ERO1B: variants seen among roughly 807,000 people sequenced by gnomAD.
The protein encoded by ERO1B is endoplasmic reticulum oxidoreductase 1 beta, also known as ERO1-like protein beta.
Under a neutral mutation model 75.3 loss-of-function variants are expected in ERO1B, and 49 were observed. That is an observed-to-expected ratio of 0.65 (90% CI 0.52 to 0.83). ERO1B has a LOEUF of 0.83. Among genes scored for constraint, ERO1B ranks in the 40% least tolerant of loss-of-function variants. The probability of loss-of-function intolerance (pLI) is 0.00; values close to 1 mark genes in which losing one functional copy is unlikely to be tolerated. For synonymous variants in ERO1B, 191 were observed against 192.9 expected (o/e 0.99, Z 0.08); for missense variants, 512 against 560.1 (o/e 0.91, Z 0.87).
chr1:236,236,326 G>T lies in ERO1B; in HGVS notation c.578C>A (p.Thr193Asn). 6.2e-7 allele frequency: 1 copy of T among 1,614,008 alleles called. No homozygotes were observed. Among genetic ancestry groups the T allele is most frequent in the Non-Finnish European group, 8.5e-7 (1 of 1,179,970 alleles). Residue 193 changes from threonine (T) to asparagine (N), a missense_variant, in exon 7 of 16, where the codon ACC (threonine) becomes AAC (asparagine). Transcript: ENST00000354619. ...GCTGTTCCACACTCTCCATGCAGAG[G>T]TCCCTTTATAGCCAGTGTAACGCTC... ...NPERYTGYKG[T>N]SAWRVWNSIY... is the part of the protein sequence containing the mutation.
chr1:236,221,735 GA>G, intron 14 of ERO1B, 188 bp downstream of exon 14: 1 of 528,874 alleles, frequency 1.9e-6, no homozygotes, highest in South Asian at 2.7e-5. Context: ...AGAATAATAT[GA>G]GAAACATCCT....
chr1:236,236,056 C>T (rs1558509355), intron 7 of ERO1B, among the ~76,000 whole-genome samples: 1 of 152,160 alleles, frequency 6.6e-6, no homozygotes, highest in African/African-American at 2.4e-5. Context: ...TCCCAAGTAG[C>T]TGGGATTACA....
intron 15 of ERO1B, among the ~76,000 whole-genome samples, chr1:236,219,209 A>G (rs186845112): frequency 6.6e-6 from 1 of 152,314 alleles, no homozygotes; most frequent in East Asian, 1.9e-4. Context: ...ATCACTTAGG[A>G]GGACAGGCAA....
intron 2 of ERO1B, among the ~76,000 whole-genome samples, chr1:236,255,026 G>C (rs1665128115): frequency 6.6e-6 from 1 of 151,582 alleles, no homozygotes; most frequent in South Asian, 2.1e-4. Context: ...GGGCTCAGGT[G>C]ATCTTTGTAC....
At chr1:236,248,232 T>C (rs1335531401) in intron 5 of ERO1B, among the ~76,000 whole-genome samples, 6 of 152,148 alleles carry the variant, frequency 3.9e-5, no homozygotes, top group African/African-American at 1.4e-4. Context: ...CCACTAGTAA[T>C]TACGAAGTAT....
intron 8 of ERO1B, among the ~76,000 whole-genome samples, chr1:236,234,724 A>G (rs565825185): frequency 6.6e-6 from 1 of 152,310 alleles, no homozygotes; most frequent in South Asian, 2.1e-4. Flanking sequence ...GTTCTCAGAA[A>G]GGTCTAAAGA....
At chr1:236,239,164 CAATACTTTTTAAAAAAATCTTGT>C (rs1192509813) in intron 6 of ERO1B, among the ~76,000 whole-genome samples, 1 of 152,100 alleles carries the variant, frequency 6.6e-6, no homozygotes, top group Non-Finnish European at 1.5e-5. Context: ...TTAGTTTAAT[CAATACTTTTTAAAAAAATCTTGT>C]AATACTTTTT....
chr1:236,243,884 T>C (rs186986300), intron 5 of ERO1B, among the ~76,000 whole-genome samples: 150 of 152,302 alleles, frequency 9.8e-4, no homozygotes, highest in African/African-American at 3.5e-3. Flanking sequence ...TCAGAATTCT[T>C]TTAATTTAAA....
chr1:236,244,631 A>G (rs1422099688), intron 5 of ERO1B, among the ~76,000 whole-genome samples: 1 of 152,138 alleles, frequency 6.6e-6, no homozygotes, highest in Non-Finnish European at 1.5e-5. Context: ...CTTTCAGGAA[A>G]TTTCTTCTTT....
intron 9 of ERO1B, among the ~76,000 whole-genome samples, chr1:236,232,453 T>C (rs1359840122): frequency 6.6e-6 from 1 of 152,144 alleles, no homozygotes; most frequent in Admixed American, 6.6e-5. Flanking sequence ...TATTGATACC[T>C]GAGGTTAGAA....
intron 2 of ERO1B, among the ~76,000 whole-genome samples, chr1:236,264,846 A>G (rs186513983): frequency 1.2e-4 from 18 of 151,788 alleles, no homozygotes; most frequent in Admixed American, 5.9e-4. Context: ...ACTGTCTCCA[A>G]AAAAAAAGAA....
rs1190206202 is a variant in ERO1B at position 236,216,081 on chromosome 1, T to G, written c.*2435A>C. On this transcript the variant is annotated 3_prime_UTR_variant, in exon 16 of 16. Coordinates refer to ENST00000354619, the MANE Select transcript of ERO1B (RefSeq NM_019891.4). ...AACATTCAAAGTTTACCAATTTTAA[T>G]ATATAGTTTGTCTAACTTACATAGA... The G allele has an allele frequency of 1.3e-5, 2 of 152,186 alleles. No homozygotes were observed. Among genetic ancestry groups the G allele is most frequent in the East Asian group, 3.8e-4 (2 of 5,206 alleles). The allele number at this position is 152,186 out of a possible 1,614,324, so 9.4% of individuals were successfully genotyped here. A position where few individuals can be genotyped will look rare whatever the true frequency, so the allele number is the denominator to read the frequency against.
intron 1 of ERO1B, among the ~76,000 whole-genome samples, chr1:236,275,855 A>G (rs1665699409): frequency 6.6e-6 from 1 of 152,194 alleles, no homozygotes; most frequent in East Asian, 1.9e-4. Flanking sequence ...TTTGGATGAC[A>G]CCATGTGAGA....
In ERO1B at chr1:236,253,498, A is replaced by G. The variant is rs369185945; in HGVS notation, c.230T>C (p.Leu77Pro). 4.4e-6 allele frequency: 7 copies of G among 1,604,652 alleles called. No homozygotes were observed. In the African/African-American group the frequency reaches 8.0e-5, roughly 18 times the overall value. ...TGCCCAGAAAGGACAAGGTCGCTTC[A>G]GATTAACCTTGAAAGAAAGAACAAA... ...RDYFRYYKVN[L>P]KRPCPFWAED... Residue 77 changes from leucine to proline, a missense_variant, in exon 3 of 16, where the codon CTG becomes CCG. Leu to Pro is a moderately conservative substitution (Grantham distance 98). Coordinates refer to ENST00000354619, the MANE Select transcript of ERO1B (RefSeq NM_019891.4).
chr1:236,242,139 C>G (rs1664722078), intron 6 of ERO1B, among the ~76,000 whole-genome samples: 1 of 151,604 alleles, frequency 6.6e-6, no homozygotes, highest in East Asian at 1.9e-4. Flanking sequence ...TTATTTATAG[C>G]AAGTACTTCC....
intron 5 of ERO1B, among the ~76,000 whole-genome samples, chr1:236,245,577 TATA>T (rs370059178): frequency 0.04 from 192 of 4,756 alleles, 66 homozygotes; most frequent in African/African-American, 0.07. Context: ...TATATATATA[TATA>T]TTTTTTTTTT....
At chr1:236,226,778 T>A in intron 10 of ERO1B, 39 bp from the exon 11 acceptor site, 1 of 1,478,762 alleles carries the variant, frequency 6.8e-7, no homozygotes, top group Non-Finnish European at 9.3e-7. Flanking sequence ...TACACCTATT[T>A]AGATATCAGA....
intron 2 of ERO1B, among the ~76,000 whole-genome samples, chr1:236,261,728 T>C (rs1665297883): frequency 2.0e-5 from 3 of 152,294 alleles, no homozygotes; most frequent in African/African-American, 7.2e-5. Context: ...GATCTACAGA[T>C]TCAATACAAT....
intron 1 of ERO1B, among the ~76,000 whole-genome samples, chr1:236,281,230 G>A (rs1233228051): frequency 6.6e-6 from 1 of 152,162 alleles, no homozygotes; most frequent in Non-Finnish European, 1.5e-5. Context: ...CCCTGCGCCT[G>A]GCGGGGCCTC....
Sources: gnomAD v4.1 joint callset for allele counts (sites outside exome capture counted in the v4.1 genomes callset) on GRCh38, gnomAD v4.1.1 for gene constraint, MANE v1.5 for transcripts, NCBI Gene and HGNC (gene_info 2026-07-23, HGNC 2026-07-21) for gene names.